The following ADCY5 variants were observed in gnomAD, a reference collection of about 807,000 sequenced individuals.
ADCY5 encodes the protein adenylate cyclase type 5.
Under a neutral mutation model 119.7 loss-of-function variants are expected in ADCY5, and 30 were observed. That is an observed-to-expected ratio of 0.25 (90% CI 0.19 to 0.34). The LOEUF is 0.34. Ranked by LOEUF, ADCY5 falls within the 10% of genes least tolerant of loss-of-function variation. The pLI, the probability that ADCY5 is intolerant of heterozygous loss-of-function variation, is 1.00. For missense variants in ADCY5, 1,324 were observed against 1,775.2 expected, an observed-to-expected ratio of 0.75 and a Z score of 4.57; for synonymous variants, 753 against 762.2, an observed-to-expected ratio of 0.99 and a Z score of 0.20.
chr3:123,330,748 C>T, intron 5 of ADCY5, 141 bp downstream of exon 5: 1 of 1,147,186 alleles, frequency 8.7e-7, no homozygotes, highest in South Asian at 1.7e-5. Context: ...CGCCAACCCT[C>T]AGCTTGGCTG....
At chr3:123,371,408 A>G (rs1943636439) in intron 1 of ADCY5, among the ~76,000 whole-genome samples, 1 of 152,246 alleles carries the variant, frequency 6.6e-6, no homozygotes, top group Non-Finnish European at 1.5e-5. Flanking sequence ...GGTTTAGTAA[A>G]AGCAAGAAAC....
intron 7 of ADCY5, 85 bp downstream of exon 7, chr3:123,327,533 G>C (rs1263323134): frequency 7.3e-7 from 1 of 1,362,536 alleles, no homozygotes; most frequent in Non-Finnish European, 1.0e-6. Flanking sequence ...TTCACTCAAG[G>C]AAAGAGAAGG....
chr3:123,373,774 C>A, intron 1 of ADCY5, among the ~76,000 whole-genome samples: 1 of 50,488 alleles, frequency 2.0e-5, no homozygotes, highest in Non-Finnish European at 5.5e-5. Context: ...CCCCCCCCGA[C>A]CCCCCCGCAG....
intron 1 of ADCY5, among the ~76,000 whole-genome samples, chr3:123,384,160 G>A (rs983257620): frequency 6.6e-6 from 1 of 152,194 alleles, no homozygotes; most frequent in Non-Finnish European, 1.5e-5. Context: ...AGATTCCTGA[G>A]TCAGAGGGCC....
intron 1 of ADCY5, among the ~76,000 whole-genome samples, chr3:123,381,807 G>T (rs539806391): frequency 6.6e-6 from 1 of 152,232 alleles, no homozygotes; most frequent in African/African-American, 2.4e-5. Context: ...TCTCACCTGG[G>T]CACCTGACTG....
intron 1 of ADCY5, among the ~76,000 whole-genome samples, chr3:123,402,599 C>T (rs1944792309): frequency 6.6e-6 from 1 of 150,568 alleles, no homozygotes. Context: ...GCCTGTAATC[C>T]CAGCACTTTG....
At chr3:123,429,118 T>C (rs1945468311) in intron 1 of ADCY5, among the ~76,000 whole-genome samples, 1 of 152,338 alleles carries the variant, frequency 6.6e-6, no homozygotes. Context: ...GTGTCATAAA[T>C]GATAGGGATT....
chr3:123,349,524 C>T (rs769983949), intron 2 of ADCY5, among the ~76,000 whole-genome samples: 2 of 152,214 alleles, frequency 1.3e-5, no homozygotes, highest in African/African-American at 2.4e-5. Context: ...CCCGATCTCT[C>T]TGAAACACTA....
chr3:123,398,921 A>G (rs561694791), intron 1 of ADCY5, among the ~76,000 whole-genome samples: 3 of 152,304 alleles, frequency 2.0e-5, no homozygotes, highest in African/African-American at 4.8e-5. Context: ...AAGCTCATCA[A>G]TGGGAGAGCT....
At chr3:123,426,137 C>T (rs924733861) in intron 1 of ADCY5, among the ~76,000 whole-genome samples, 7 of 152,134 alleles carry the variant, frequency 4.6e-5, no homozygotes, top group African/African-American at 1.7e-4. Flanking sequence ...ATCATGATAT[C>T]TCATTTCATG....
In ADCY5 at chr3:123,424,813, T is replaced by C. The variant is rs542518898; in HGVS notation, c.1134+22599A>G. On this transcript the variant is annotated intron_variant, in intron 1 of 20. Coordinates refer to ENST00000462833, the MANE Select transcript of ADCY5 (RefSeq NM_183357.3). ...ATGTCAGCATGCCCATGTGCCCATC[T>C]GTCCTGGGGAGCAATAATAGTTAAT... Among the ~76,000 whole-genome samples the C allele has an allele frequency of 2.6e-5, 4 of 152,370 alleles. No homozygotes were observed. The South Asian group carries it at 8.3e-4, about 32-fold the overall frequency.
intron 1 of ADCY5, among the ~76,000 whole-genome samples, chr3:123,402,632 C>T (rs975688814): frequency 3.3e-5 from 5 of 151,372 alleles, no homozygotes; most frequent in African/African-American, 4.9e-5. Flanking sequence ...GGGTGGATCA[C>T]GAGGTCAGGA....
At chr3:123,400,890 G>A (rs1318897657) in intron 1 of ADCY5, among the ~76,000 whole-genome samples, 1 of 151,892 alleles carries the variant, frequency 6.6e-6, no homozygotes. Flanking sequence ...GTTGCACTGA[G>A]CCGAGATCAC....
chr3:123,305,592 A>G (rs1262517902), intron 12 of ADCY5, among the ~76,000 whole-genome samples: 1 of 152,150 alleles, frequency 6.6e-6, no homozygotes, highest in Non-Finnish European at 1.5e-5. Flanking sequence ...TGCTGTCTGT[A>G]ACATGAGTAA....
intron 10 of ADCY5, 106 bp from the exon 11 acceptor site, chr3:123,318,223 G>C (rs1376286614): frequency 2.5e-6 from 2 of 797,142 alleles, no homozygotes; most frequent in Non-Finnish European, 4.2e-6. Context: ...CTGGTCACCT[G>C]TGCAGCCCAC....
chr3:123,421,487 T>C (rs533099061), intron 1 of ADCY5, among the ~76,000 whole-genome samples: 37 of 152,198 alleles, frequency 2.4e-4, no homozygotes, highest in Non-Finnish European at 3.8e-4. Flanking sequence ...TATCTCATCA[T>C]GACACCTAGT....
chr3:123,363,604 A>G (rs1365883702), intron 1 of ADCY5, among the ~76,000 whole-genome samples: 1 of 152,214 alleles, frequency 6.6e-6, no homozygotes, highest in African/African-American at 2.4e-5. Context: ...ACTAGAGAAC[A>G]GTTAAATAAA....
In ADCY5 at chr3:123,352,519, C is replaced by A. The variant is rs111864274; in HGVS notation, c.1197G>T (p.Pro399=). 3.4e-5 allele frequency: 55 copies of A among 1,613,814 alleles called. No homozygotes were observed. The highest frequency in any genetic ancestry group is 4.7e-5 in the Non-Finnish European group (55 of 1,179,956). The change falls in exon 2 of 21, where the codon CCG becomes CCT. Residue 399 remains proline (P), a synonymous_variant. Transcript: ENST00000462833. The surrounding 1 kb of genome is among the most constrained non-coding windows in gnomAD (Gnocchi z 4.8). ...TNIVGVCTHY[P]AEVSQRQAFQ... is the part of the protein sequence containing the mutation. ...AAGCCTGTCTCTGGGAGACCTCAGC[C>A]GGATAGTGGGTGCAGACACCCACGA...
chr3:123,287,189 C>G (rs6801416), intron 19 of ADCY5: 31,164 of 169,918 alleles, frequency 0.18, 2,941 homozygotes, highest in Middle Eastern at 0.28. Context: ...GCCATTCTCA[C>G]TCTTAGATCC....
Sources: allele counts gnomAD v4.1 joint callset (sites outside exome capture counted in the v4.1 genomes callset), GRCh38; gene constraint gnomAD v4.1.1; non-coding constraint Gnocchi (gnomAD v3.1); transcripts MANE v1.5; gene names NCBI Gene and HGNC (gene_info 2026-07-23, HGNC 2026-07-21).